Variants in ATG5 observed in about 807,000 individuals in gnomAD.
The protein encoded by ATG5 is autophagy protein 5.
Under a neutral mutation model 36.5 loss-of-function variants are expected in ATG5, and 14 were observed. The ratio of observed to expected loss-of-function variants is 0.38; its 90% CI spans 0.25 to 0.60. The LOEUF (loss-of-function observed/expected upper bound fraction) is 0.60. ATG5 is among the 20% of genes least tolerant of loss of function. The pLI, the probability that ATG5 is intolerant of heterozygous loss-of-function variation, is 0.60. For missense variants in ATG5, 195 were observed against 326.7 expected (o/e 0.60, Z 3.11); for synonymous variants, 95 against 101.5 (o/e 0.94, Z 0.38).
rs1000817579 is a variant in ATG5 at position 106,185,727 on chromosome 6, G to A, written c.*813C>T. The A allele has an allele frequency of 6.6e-6, 1 of 152,322 alleles. No homozygotes were observed. Among genetic ancestry groups the A allele is most frequent in the African/African-American group, 2.4e-5 (1 of 41,442 alleles). The allele number at this position is 152,322 out of a possible 1,614,324, so 9.4% of individuals were successfully genotyped here. ...AGATGAACAGTTACAATATTTATAC[G>A]TGTAGTGTGTAAAGAACACAGGTTT... On this transcript the variant is annotated 3_prime_UTR_variant, in exon 8 of 8. Coordinates refer to ENST00000369076, the MANE Select transcript of ATG5 (RefSeq NM_004849.4).
At position 106,293,590 on chromosome 6, in the gene ATG5, A is replaced by G. The variant is rs572508752; in HGVS notation, c.237-484T>C. On this transcript the variant is annotated intron_variant, in intron 3 of 7. Coordinates refer to ENST00000369076, the MANE Select transcript of ATG5 (RefSeq NM_004849.4). ...ATAGCATATACATTTCCAGTCTTCT[A>G]CCTACACATACATATCTAAATACAG... Among the ~76,000 whole-genome samples, 10 of 152,360 alleles carry G rather than the reference A, an allele frequency of 6.6e-5. No homozygotes were observed. In the South Asian group the frequency reaches 2.1e-3, roughly 32 times the overall value.
At chr6:106,297,717 AACACAC>A (rs56336702) in intron 3 of ATG5, among the ~76,000 whole-genome samples, 3,792 of 135,460 alleles carry the variant, frequency 0.028, 104 homozygotes, top group East Asian at 0.072. Context: ...AAATGACTTA[AACACAC>A]ACACACACAC....
At chr6:106,318,569 TAA>T (rs1458778709) in intron 1 of ATG5, among the ~76,000 whole-genome samples, 1 of 152,206 alleles carries the variant, frequency 6.6e-6, no homozygotes, top group East Asian at 1.9e-4. Context: ...TAGTGAAAGA[TAA>T]ATTGGTACTT....
chr6:106,209,420 GTCAA>G (rs1776770774), intron 6 of ATG5, among the ~76,000 whole-genome samples: 1 of 152,140 alleles, frequency 6.6e-6, no homozygotes, highest in South Asian at 2.1e-4. Context: ...TGTGAAAAAA[GTCAA>G]TCTCAAAAGG....
chr6:106,190,608 G>T (rs1775935846), intron 7 of ATG5, among the ~76,000 whole-genome samples: 1 of 151,578 alleles, frequency 6.6e-6, no homozygotes, highest in Non-Finnish European at 1.5e-5. Context: ...TCATTATTTT[G>T]TATAATGTCC....
chr6:106,280,366 T>C (rs1301541076), intron 4 of ATG5, among the ~76,000 whole-genome samples: 1 of 151,930 alleles, frequency 6.6e-6, no homozygotes, highest in Non-Finnish European at 1.5e-5. Context: ...ATAGTTTTAT[T>C]TGTAACAGCC....
chr6:106,318,545 T>C (rs777164794), intron 1 of ATG5, among the ~76,000 whole-genome samples: 5 of 152,220 alleles, frequency 3.3e-5, no homozygotes, highest in Non-Finnish European at 4.4e-5. Flanking sequence ...CAGTAGGATT[T>C]TAAGTACAAA....
chr6:106,318,848 G>T (rs1239695191), intron 1 of ATG5, among the ~76,000 whole-genome samples: 2 of 152,336 alleles, frequency 1.3e-5, no homozygotes, highest in East Asian at 3.8e-4. Context: ...AAGAAAGCAT[G>T]TCTCCAGTGA....
chr6:106,224,384 C>T (rs977356569), intron 6 of ATG5, among the ~76,000 whole-genome samples: 1 of 152,172 alleles, frequency 6.6e-6, no homozygotes, highest in Non-Finnish European at 1.5e-5. Context: ...TAAATGAAGA[C>T]AGTTCTGGTC....
At chr6:106,228,060 T>C (rs1777513679) in intron 6 of ATG5, among the ~76,000 whole-genome samples, 1 of 152,156 alleles carries the variant, frequency 6.6e-6, no homozygotes, top group Non-Finnish European at 1.5e-5. Context: ...ACAGCTTGGG[T>C]GCAATTATCC....
intron 1 of ATG5, among the ~76,000 whole-genome samples, chr6:106,316,970 G>C (rs1366677434): frequency 6.6e-6 from 1 of 151,948 alleles, no homozygotes; most frequent in Non-Finnish European, 1.5e-5. Flanking sequence ...TGCAAACCAT[G>C]CTCACAGCCC....
intron 4 of ATG5, among the ~76,000 whole-genome samples, chr6:106,282,257 G>T (rs1779912520): frequency 6.6e-6 from 1 of 152,296 alleles, no homozygotes; most frequent in South Asian, 2.1e-4. Context: ...CACTTCACCT[G>T]TCACGGCGCA....
intron 5 of ATG5, 134 bp from the exon 6 acceptor site, chr6:106,248,378 T>C (rs1044339177): frequency 1.8e-6 from 1 of 562,648 alleles, no homozygotes; most frequent in East Asian, 2.9e-5. Context: ...CTTATTTTTA[T>C]TAAACTTATC....
chr6:106,264,426 T>C lies in ATG5; in HGVS notation c.478+15235A>G, dbSNP rs533936589. ...AGTTGGAAAACACACTTCGGGGTAT[T>C]ATCCAGGAGAACTTCCCCCACCAAG... On this transcript the variant is annotated intron_variant, in intron 5 of 7. Coordinates refer to ENST00000369076, the MANE Select transcript of ATG5 (RefSeq NM_004849.4). Among the ~76,000 whole-genome samples the C allele has an allele frequency of 6.6e-5, 10 of 152,244 alleles. No homozygotes were observed. The East Asian group carries it at 1.7e-3, about 26-fold the overall frequency.
chr6:106,285,045 A>C (rs1434363942), intron 4 of ATG5, among the ~76,000 whole-genome samples: 6 of 152,130 alleles, frequency 3.9e-5, no homozygotes, highest in African/African-American at 1.4e-4. Flanking sequence ...CCTCTCCTTG[A>C]ATCCAATTAC....
intron 7 of ATG5, chr6:106,201,740 A>C (rs1776438883): frequency 3.7e-6 from 1 of 272,934 alleles, no homozygotes; most frequent in Admixed American, 4.9e-5. Flanking sequence ...AGATATACTA[A>C]GAGGATGATT....
chr6:106,313,780 A>C (rs1490244778), intron 2 of ATG5, among the ~76,000 whole-genome samples: 1 of 152,216 alleles, frequency 6.6e-6, no homozygotes, highest in Non-Finnish European at 1.5e-5. Context: ...TCTGAACTAC[A>C]GCTATATTGG....
At chr6:106,257,580 A>G (rs904009946) in intron 5 of ATG5, among the ~76,000 whole-genome samples, 2 of 152,218 alleles carry the variant, frequency 1.3e-5, no homozygotes, top group African/African-American at 4.8e-5. Flanking sequence ...CTTCAGAATC[A>G]GGGATCTAGG....
chr6:106,235,225 C>G (rs1777848632), intron 6 of ATG5, among the ~76,000 whole-genome samples: 1 of 152,156 alleles, frequency 6.6e-6, no homozygotes, highest in Non-Finnish European at 1.5e-5. Flanking sequence ...TTAAGTTTGT[C>G]TCTTCCAGAA....
Sources: allele counts gnomAD v4.1 joint callset (sites outside exome capture counted in the v4.1 genomes callset), GRCh38; gene constraint gnomAD v4.1.1; transcripts MANE v1.5; gene names NCBI Gene and HGNC (gene_info 2026-07-23, HGNC 2026-07-21).